Variants in SLC67A2 observed in about 807,000 individuals in gnomAD.
SLC67A2 encodes the protein solute carrier family 67 member A2.
the SLC67A2 span, among the ~76,000 whole-genome samples, chr2:102,727,484 G>C: frequency 1.3e-5 from 2 of 152,126 alleles, no homozygotes; most frequent in Admixed American, 1.3e-4. Flanking sequence ...ATCATTCCAT[G>C]TTATTAAAAC....
the SLC67A2 span, among the ~76,000 whole-genome samples, chr2:102,719,506 C>G: frequency 6.6e-6 from 1 of 152,196 alleles, no homozygotes; most frequent in Non-Finnish European, 1.5e-5. Context: ...CATTTCATAT[C>G]TGAATTGTTA....
chr2:102,731,156 G>T, the SLC67A2 span: 2 of 1,099,584 alleles, frequency 1.8e-6, no homozygotes, highest in South Asian at 1.5e-5. Flanking sequence ...GAAACCAACA[G>T]AAAAACATTA....
the SLC67A2 span, chr2:102,718,382 C>G: frequency 6.2e-7 from 1 of 1,605,776 alleles, no homozygotes; most frequent in South Asian, 1.1e-5. Flanking sequence ...CTCATTCAAC[C>G]ATCTCAAATT....
At chr2:102,732,404 C>G in the SLC67A2 span, 1 of 1,608,704 alleles carries the variant, frequency 6.2e-7, no homozygotes, top group South Asian at 1.1e-5. Flanking sequence ...TGACACCAAA[C>G]AAATCCTAAA....
the SLC67A2 span, chr2:102,736,554 C>T: frequency 6.2e-7 from 1 of 1,610,352 alleles, no homozygotes; most frequent in Non-Finnish European, 8.5e-7. Context: ...GTTCCCACTC[C>T]CTGGGAGCTC....
chr2:102,732,199 T>G, the SLC67A2 span: 1 of 877,616 alleles, frequency 1.1e-6, no homozygotes, highest in Non-Finnish European at 1.9e-6. Flanking sequence ...TGGAAATTTG[T>G]TTTATCTCAT....
the SLC67A2 span, chr2:102,716,065 A>T: frequency 1.3e-5 from 2 of 152,178 alleles, no homozygotes; most frequent in Non-Finnish European, 2.9e-5. Flanking sequence ...GACATTAGAT[A>T]AAGTAAAAGG....
chr2:102,736,487 T>C, the SLC67A2 span: 3 of 1,508,418 alleles, frequency 2.0e-6, no homozygotes, highest in Non-Finnish European at 2.6e-6. Flanking sequence ...CTGAAGTGGG[T>C]GATAGGGCAA....
the SLC67A2 span, chr2:102,718,698 G>C: frequency 2.1e-5 from 34 of 1,613,892 alleles, no homozygotes; most frequent in Admixed American, 6.7e-5. Flanking sequence ...AAGGACAGGA[G>C]AGTGGAGGAG....
chr2:102,736,592 C>A, the SLC67A2 span: 1 of 1,613,248 alleles, frequency 6.2e-7, no homozygotes, highest in South Asian at 1.1e-5. Flanking sequence ...CCGCCTGGGT[C>A]CCCAGGCCCG....
the SLC67A2 span, chr2:102,736,661 G>C: frequency 6.2e-7 from 1 of 1,613,978 alleles, no homozygotes; most frequent in Non-Finnish European, 8.5e-7. Context: ...AGCCCACCAA[G>C]TAGAGACAGA....
At chr2:102,715,411 G>A in the SLC67A2 span, among the ~76,000 whole-genome samples, 2 of 152,142 alleles carry the variant, frequency 1.3e-5, no homozygotes, top group South Asian at 4.1e-4. Context: ...CAGAATCAGT[G>A]ATTCCAGCTC....
chr2:102,734,807 C>T, the SLC67A2 span, among the ~76,000 whole-genome samples: 16 of 152,292 alleles, frequency 1.1e-4, no homozygotes, highest in Non-Finnish European at 2.9e-5. Flanking sequence ...GCCAAATACA[C>T]AGCATAAAGA....
chr2:102,729,458 A>G, the SLC67A2 span, among the ~76,000 whole-genome samples: 2 of 152,208 alleles, frequency 1.3e-5, no homozygotes, highest in African/African-American at 4.8e-5. Context: ...CACACATCAG[A>G]TATTTTGGGA....
the SLC67A2 span, among the ~76,000 whole-genome samples, chr2:102,727,962 G>A: frequency 6.6e-6 from 1 of 152,088 alleles, no homozygotes; most frequent in African/African-American, 2.4e-5. Context: ...AGGTAAGGCA[G>A]CATTTCTGTC....
the SLC67A2 span, chr2:102,716,535 C>T: frequency 6.6e-6 from 1 of 152,150 alleles, no homozygotes; most frequent in African/African-American, 2.4e-5. Flanking sequence ...AATCAGAAGT[C>T]CATTTTTCCT....
chr2:102,736,503 G>A, the SLC67A2 span: 3 of 1,558,298 alleles, frequency 1.9e-6, no homozygotes, highest in Non-Finnish European at 2.6e-6. Context: ...GGCAAGAGGA[G>A]AGCTTGATAG....
chr2:102,731,214 C>A, the SLC67A2 span: 1 of 566,802 alleles, frequency 1.8e-6, no homozygotes, highest in Non-Finnish European at 3.0e-6. Context: ...TTTTTTTTTT[C>A]TACTTGGAAA....
the SLC67A2 span, chr2:102,731,009 T>A: frequency 1.9e-6 from 3 of 1,612,356 alleles, no homozygotes; most frequent in Non-Finnish European, 2.5e-6. Context: ...GGATGAGACA[T>A]GTGATCATAA....
Sources: allele counts gnomAD v4.1 joint callset (sites outside exome capture counted in the v4.1 genomes callset), GRCh38; gene constraint gnomAD v4.1.1; transcripts MANE v1.5; gene names NCBI Gene and HGNC (gene_info 2026-07-23, HGNC 2026-07-21).